The following TDRD3 variants were observed in gnomAD, a reference collection of about 807,000 sequenced individuals.
The protein encoded by TDRD3 is tudor domain containing 3.
TDRD3 carries 45 observed loss-of-function variants against 86.7 expected under a neutral mutation model. The observed-to-expected ratio is 0.52, with a 90% CI of 0.41 to 0.67. The LOEUF (loss-of-function observed/expected upper bound fraction) is 0.67, where lower values mean the gene tolerates loss of function less well. Ranked by LOEUF, TDRD3 falls within the 30% of genes least tolerant of loss-of-function variation. The probability of loss-of-function intolerance (pLI) is 0.00; values close to 1 mark genes in which losing one functional copy is unlikely to be tolerated. For missense variants in TDRD3, 814 were observed against 889.0 expected (o/e 0.92, Z 1.07); for synonymous variants, 298 against 301.7 (o/e 0.99, Z 0.13).
At chr13:60,514,107 C>A (rs1045175876) in intron 10 of TDRD3, among the ~76,000 whole-genome samples, 1 of 152,114 alleles carries the variant, frequency 6.6e-6, no homozygotes, top group Non-Finnish European at 1.5e-5. Flanking sequence ...ACAATGAAAT[C>A]CAGGCTGAGG....
At chr13:60,566,511 T>C (rs1566311621) in intron 12 of TDRD3, among the ~76,000 whole-genome samples, 1 of 152,102 alleles carries the variant, frequency 6.6e-6, no homozygotes, top group East Asian at 1.9e-4. Context: ...GATTCAAAGA[T>C]AAAGTAAGGA....
chr13:60,442,916 T>G (rs1449977521), intron 2 of TDRD3, among the ~76,000 whole-genome samples: 1 of 152,034 alleles, frequency 6.6e-6, no homozygotes, highest in East Asian at 1.9e-4. Context: ...ATGGCTCATT[T>G]TCACTTGAAT....
chr13:60,520,619 C>T (rs1247517146), intron 10 of TDRD3, among the ~76,000 whole-genome samples: 1 of 152,106 alleles, frequency 6.6e-6, no homozygotes, highest in Non-Finnish European at 1.5e-5. Context: ...ATTATTTGTT[C>T]TTTTTACCTA....
rs562414554 is a variant in TDRD3 at position 60,495,243 on chromosome 13, A to C, written c.858+668A>C. ...GTGTTGGTAAATTCAGCAGTATAAC[A>C]ATATTAGGGCATTTGTGGGTATTTC... On this transcript the variant is annotated intron_variant, in intron 8 of 13. Transcript: ENST00000377881. Among the ~76,000 whole-genome samples the C allele has an allele frequency of 2.0e-5, 3 of 152,300 alleles. No individual in the cohort carries two copies. The East Asian group carries it at 5.8e-4, about 29-fold the overall frequency.
At chr13:60,458,334 G>A (rs111359923) in intron 3 of TDRD3, among the ~76,000 whole-genome samples, 7,301 of 152,252 alleles carry the variant, frequency 0.048, 219 homozygotes, top group Non-Finnish European at 0.064. Context: ...GTAATGTAAT[G>A]CATGTGTCCA....
At chr13:60,426,805 G>C (rs112298127) in intron 1 of TDRD3, among the ~76,000 whole-genome samples, 1 of 152,200 alleles carries the variant, frequency 6.6e-6, no homozygotes, top group Non-Finnish European at 1.5e-5. Flanking sequence ...TATGGGGTAT[G>C]TTCTAGAAAT....
intron 8 of TDRD3, 126 bp downstream of exon 8, chr13:60,494,701 T>C: frequency 1.3e-6 from 1 of 766,604 alleles, no homozygotes; most frequent in South Asian, 4.7e-5. Context: ...TCTTGAAGGC[T>C]TTCATTAAGG....
At chr13:60,566,278 A>G (rs1268892925) in intron 12 of TDRD3, among the ~76,000 whole-genome samples, 1 of 151,262 alleles carries the variant, frequency 6.6e-6, no homozygotes, top group East Asian at 1.9e-4. Context: ...TTTTTTTTTA[A>G]GACTACTTTG....
intron 1 of TDRD3, among the ~76,000 whole-genome samples, chr13:60,414,168 G>GT (rs201194406): frequency 0.011 from 1,725 of 151,184 alleles, 40 homozygotes; most frequent in African/African-American, 0.04. Context: ...GACAATGTAC[G>GT]TTTTTTTTTA....
chr13:60,408,151 C>T (rs1420171975), intron 1 of TDRD3, among the ~76,000 whole-genome samples: 1 of 152,046 alleles, frequency 6.6e-6, no homozygotes, highest in Non-Finnish European at 1.5e-5. Context: ...ACTTTTGTTT[C>T]TTCCTCATTT....
At chr13:60,552,445 T>C (rs1018465636) in intron 12 of TDRD3, among the ~76,000 whole-genome samples, 3 of 152,220 alleles carry the variant, frequency 2.0e-5, no homozygotes, top group African/African-American at 7.2e-5. Flanking sequence ...CCCCTGTGGC[T>C]CTGCAGGGTG....
At chr13:60,569,067 C>G (rs1434845442) in intron 13 of TDRD3, among the ~76,000 whole-genome samples, 3 of 152,126 alleles carry the variant, frequency 2.0e-5, no homozygotes, top group Non-Finnish European at 4.4e-5. Context: ...CTTCTGGGCT[C>G]AAGACGTCCT....
intron 10 of TDRD3, among the ~76,000 whole-genome samples, chr13:60,526,043 T>C (rs1178506528): frequency 6.6e-6 from 1 of 152,232 alleles, no homozygotes; most frequent in Non-Finnish European, 1.5e-5. Flanking sequence ...ACTTTCATTC[T>C]GTATGCATCG....
At chr13:60,424,723 A>G (rs1954758002) in intron 1 of TDRD3, among the ~76,000 whole-genome samples, 1 of 152,196 alleles carries the variant, frequency 6.6e-6, no homozygotes, top group African/African-American at 2.4e-5. Flanking sequence ...CTTTTCGTAT[A>G]TTCACAGAGA....
chr13:60,475,329 A>G (rs530127255), intron 5 of TDRD3, among the ~76,000 whole-genome samples: 1 of 152,290 alleles, frequency 6.6e-6, no homozygotes, highest in East Asian at 1.9e-4. Context: ...CCCACTTATA[A>G]GTGAGAACAT....
At position 60,458,851 on chromosome 13, in the gene TDRD3, T is replaced by C. The variant is rs983654223; in HGVS notation, c.193-1529T>C. Among the ~76,000 whole-genome samples, 11 of 152,298 alleles carry C rather than the reference T, an allele frequency of 7.2e-5. No individual in the cohort carries two copies. The South Asian group carries it at 1.9e-3, about 26-fold the overall frequency. ...TTTGTCAATGCCTAGGCTAAAAATA[T>C]GGGATACCAAAATAAACAGAATTAT... On this transcript the variant is annotated intron_variant, in intron 3 of 13. Transcript: ENST00000377881.
At chr13:60,451,800 T>C (rs1594948840) in intron 3 of TDRD3, among the ~76,000 whole-genome samples, 1 of 152,176 alleles carries the variant, frequency 6.6e-6, no homozygotes, top group Admixed American at 6.5e-5. Flanking sequence ...AATCTTGTGA[T>C]TGTAAAATAC....
At chr13:60,541,897 T>G (rs1476769183) in intron 12 of TDRD3, among the ~76,000 whole-genome samples, 1 of 151,620 alleles carries the variant, frequency 6.6e-6, no homozygotes, top group East Asian at 1.9e-4. Flanking sequence ...CCAGCTAATT[T>G]TGTATTTTTA....
intron 1 of TDRD3, among the ~76,000 whole-genome samples, chr13:60,407,215 A>G (rs894425768): frequency 6.6e-6 from 1 of 152,326 alleles, no homozygotes; most frequent in African/African-American, 2.4e-5. Context: ...TGTAAGGGAA[A>G]GATCAAGTCT....
Sources: gnomAD v4.1 joint callset for allele counts (sites outside exome capture counted in the v4.1 genomes callset) on GRCh38, gnomAD v4.1.1 for gene constraint, MANE v1.5 for transcripts, NCBI Gene and HGNC (gene_info 2026-07-23, HGNC 2026-07-21) for gene names.